ERC2: variants seen among roughly 807,000 people sequenced by gnomAD.
ERC2 encodes the protein ELKS/RAB6-interacting/CAST family member 2.
In ERC2, 42 loss-of-function variants were observed where a neutral mutation model predicts 114.8. The ratio of observed to expected loss-of-function variants is 0.37; its 90% CI spans 0.29 to 0.47. The LOEUF (loss-of-function observed/expected upper bound fraction) is 0.47, where lower values mean the gene tolerates loss of function less well. Ranked by LOEUF, ERC2 falls within the 20% of genes least tolerant of loss-of-function variation. The pLI is 0.99. For missense variants in ERC2, 939 were observed against 1,150.7 expected, an observed-to-expected ratio of 0.82 and a Z score of 2.66; for synonymous variants, 454 against 425.5, an observed-to-expected ratio of 1.07 and a Z score of -0.82.
chr3:56,141,850 G>T (rs12485705), intron 5 of ERC2, among the ~76,000 whole-genome samples: 1 of 151,988 alleles, frequency 6.6e-6, no homozygotes, highest in African/African-American at 2.4e-5. Context: ...CTAATATTTT[G>T]TAAGGATCTT....
intron 5 of ERC2, among the ~76,000 whole-genome samples, chr3:56,140,638 C>T (rs1438532510): frequency 6.6e-6 from 1 of 152,136 alleles, no homozygotes; most frequent in Non-Finnish European, 1.5e-5. Context: ...TCTGAACATT[C>T]TTATACATAT....
intron 17 of ERC2, among the ~76,000 whole-genome samples, chr3:55,661,690 A>AGATTCTGCCT (rs1453256599): frequency 5.9e-5 from 9 of 152,344 alleles, no homozygotes; most frequent in African/African-American, 2.2e-4. Context: ...AGGCATCTTT[A>AGATTCTGCCT]GATTCTGCCT....
chr3:55,847,656 C>T (rs567465662), intron 14 of ERC2, among the ~76,000 whole-genome samples: 75 of 149,714 alleles, frequency 5.0e-4, no homozygotes, highest in African/African-American at 1.7e-3. Flanking sequence ...CATATGGTGC[C>T]GGGAGGACAG....
At chr3:56,338,843 T>C (rs2057970585) in intron 2 of ERC2, among the ~76,000 whole-genome samples, 1 of 152,114 alleles carries the variant, frequency 6.6e-6, no homozygotes, top group Non-Finnish European at 1.5e-5. Context: ...AGTCTGGACT[T>C]CAGGAGGCCA....
At chr3:55,769,997 C>A (rs1259952049) in intron 14 of ERC2, among the ~76,000 whole-genome samples, 1 of 152,180 alleles carries the variant, frequency 6.6e-6, no homozygotes, top group Non-Finnish European at 1.5e-5. Flanking sequence ...AGTACACTTC[C>A]TTGCCCCATC....
At chr3:55,590,089 G>A (rs1463754016) in intron 17 of ERC2, among the ~76,000 whole-genome samples, 4 of 152,044 alleles carry the variant, frequency 2.6e-5, no homozygotes, top group Admixed American at 6.5e-5. Context: ...AGGTGGCAAC[G>A]TCACTCAAAA....
At chr3:55,753,145 T>A (rs1445529242) in intron 14 of ERC2, among the ~76,000 whole-genome samples, 2 of 151,876 alleles carry the variant, frequency 1.3e-5, no homozygotes, top group African/African-American at 4.8e-5. Context: ...GCAGAGCAGA[T>A]CACATGGTTG....
At chr3:56,416,591 C>T (rs1262315200) in intron 2 of ERC2, among the ~76,000 whole-genome samples, 1 of 151,240 alleles carries the variant, frequency 6.6e-6, no homozygotes, top group African/African-American at 2.4e-5. Context: ...GCAAATTCCA[C>T]CAAACCCACC....
chr3:55,828,040 C>T (rs180707475), intron 14 of ERC2, among the ~76,000 whole-genome samples: 331 of 152,352 alleles, frequency 2.2e-3, no homozygotes, highest in African/African-American at 7.6e-3. Context: ...GCTAGAGTCA[C>T]TGTCGTGCTA....
chr3:56,403,279 T>C (rs901029157), intron 2 of ERC2, among the ~76,000 whole-genome samples: 4 of 152,250 alleles, frequency 2.6e-5, no homozygotes, highest in Non-Finnish European at 5.9e-5. Flanking sequence ...CTAAACTCTT[T>C]TAAGTTCCAA....
chr3:56,260,703 T>A (rs1404902357), intron 3 of ERC2, among the ~76,000 whole-genome samples: 1 of 152,152 alleles, frequency 6.6e-6, no homozygotes, highest in Non-Finnish European at 1.5e-5. Flanking sequence ...TCCTCCTCCC[T>A]CCATACCCTG....
intron 7 of ERC2, 142 bp from the exon 8 acceptor site, chr3:56,019,173 G>C (rs541313484): frequency 2.6e-5 from 17 of 664,014 alleles, no homozygotes; most frequent in South Asian, 1.8e-4. Flanking sequence ...TAGACAAAAG[G>C]CCATTTTGAT....
intron 2 of ERC2, among the ~76,000 whole-genome samples, chr3:56,319,436 A>C (rs1442160941): frequency 6.6e-6 from 1 of 152,200 alleles, no homozygotes; most frequent in African/African-American, 2.4e-5. Flanking sequence ...GAGGAATCTA[A>C]AATAGTAAAA....
chr3:55,739,473 G>A (rs1023791814), intron 14 of ERC2, among the ~76,000 whole-genome samples: 3 of 152,038 alleles, frequency 2.0e-5, no homozygotes, highest in African/African-American at 4.8e-5. Flanking sequence ...GAGATAGTAC[G>A]TCATTGTGGT....
intron 14 of ERC2, among the ~76,000 whole-genome samples, chr3:55,872,532 A>T (rs954532022): frequency 9.2e-5 from 14 of 152,252 alleles, no homozygotes; most frequent in African/African-American, 3.4e-4. Flanking sequence ...AAAGCTTCGT[A>T]GCTATTTAGG....
At chr3:56,409,104 G>A (rs1483455750) in intron 2 of ERC2, among the ~76,000 whole-genome samples, 1 of 152,238 alleles carries the variant, frequency 6.6e-6, no homozygotes, top group African/African-American at 2.4e-5. Flanking sequence ...CACCATGCCT[G>A]CTCGCTCACT....
chr3:55,986,032 G>A, intron 11 of ERC2, 44 bp from the exon 12 acceptor site: 1 of 1,525,380 alleles, frequency 6.6e-7, no homozygotes, highest in Admixed American at 2.0e-5. Context: ...AGGATAAGCA[G>A]AAAGGAAAAG....
intron 12 of ERC2, among the ~76,000 whole-genome samples, chr3:55,973,096 G>A (rs777324300): frequency 2.6e-5 from 4 of 152,158 alleles, no homozygotes; most frequent in East Asian, 1.9e-4. Flanking sequence ...CCTGCGAGGA[G>A]GAGGGAACAG....
chr3:55,549,960 C>A (rs200008496), intron 17 of ERC2, among the ~76,000 whole-genome samples: 3 of 110,856 alleles, frequency 2.7e-5, no homozygotes. Context: ...GAGAGAGAGA[C>A]AGAGAGAGAG....
Sources: gnomAD v4.1 joint callset for allele counts (sites outside exome capture counted in the v4.1 genomes callset) on GRCh38, gnomAD v4.1.1 for gene constraint, MANE v1.5 for transcripts, NCBI Gene and HGNC (gene_info 2026-07-23, HGNC 2026-07-21) for gene names.